Variants in CPE observed in about 807,000 individuals in gnomAD.
CPE encodes carbocypeptidase E.
CPE carries 17 observed loss-of-function variants against 53.5 expected under a neutral mutation model. That is an observed-to-expected ratio of 0.32 (90% CI 0.22 to 0.48). The LOEUF (loss-of-function observed/expected upper bound fraction) is 0.48, where lower values mean the gene tolerates loss of function less well. Ranked by LOEUF, CPE falls within the 20% of genes least tolerant of loss-of-function variation. The probability of loss-of-function intolerance (pLI) is 0.99; values close to 1 mark genes in which losing one functional copy is unlikely to be tolerated. For missense variants in CPE, 524 were observed against 614.7 expected, an observed-to-expected ratio of 0.85 and a Z score of 1.56; for synonymous variants, 226 against 228.8, an observed-to-expected ratio of 0.99 and a Z score of 0.11.
intron 2 of CPE, among the ~76,000 whole-genome samples, chr4:165,467,070 C>T (rs900623948): frequency 2.0e-5 from 3 of 152,102 alleles, no homozygotes; most frequent in African/African-American, 7.2e-5. Flanking sequence ...TATCTATAAT[C>T]CCAGTGCTTT....
At position 165,379,647 on chromosome 4, in the gene CPE, G is replaced by T; in HGVS notation, c.307+119G>T. On this transcript the variant is annotated intron_variant, in intron 1 of 8. Transcript: ENST00000402744. This position sits in a 1 kb window ranked among gnomAD's most constrained non-coding sequence, Gnocchi z 6.0. ...GGCCCAGGGGTGCCTCTTGGTAAAA[G>T]GTATCTAAGGTGGAAGGTGGGAAGT... 1.0e-6 allele frequency: 1 copy of T among 1,000,176 alleles called. No individual in the cohort carries two copies. Among genetic ancestry groups the T allele is most frequent in the Non-Finnish European group, 1.4e-6 (1 of 722,586 alleles). 62.0% of individuals were successfully genotyped at this position (1,000,176 alleles called of 1,614,324 possible).
chr4:165,419,645 T>C (rs1731174404), intron 1 of CPE, among the ~76,000 whole-genome samples: 1 of 152,222 alleles, frequency 6.6e-6, no homozygotes, highest in South Asian at 2.1e-4. Flanking sequence ...CTCAATTCCG[T>C]GTCTTTCAAT....
intron 1 of CPE, among the ~76,000 whole-genome samples, chr4:165,397,535 A>G (rs1168212116): frequency 6.6e-6 from 1 of 152,142 alleles, no homozygotes; most frequent in Non-Finnish European, 1.5e-5. Context: ...GTTCCTTCTT[A>G]CCATGTGACT....
At chr4:165,480,756 A>T (rs932526669) in intron 3 of CPE, among the ~76,000 whole-genome samples, 2 of 152,162 alleles carry the variant, frequency 1.3e-5, no homozygotes, top group Non-Finnish European at 2.9e-5. Flanking sequence ...CCATTAAAAT[A>T]TCATTTTAGA....
chr4:165,396,196 A>G (rs989518794), intron 1 of CPE, among the ~76,000 whole-genome samples: 2 of 152,168 alleles, frequency 1.3e-5, no homozygotes, highest in Non-Finnish European at 2.9e-5. Flanking sequence ...CATATTCCTG[A>G]ATTTGTTCCT....
In CPE at chr4:165,487,595, C is replaced by T. The variant is rs1732528930; in HGVS notation, c.1113+18C>T. ...TTGAGCAGGTAAACACAGTCCCCAG[C>T]ATAAAAATGCAAGGTTTACAAGCAT... On this transcript the variant is annotated intron_variant, in intron 6 of 8. Coordinates refer to ENST00000402744, the MANE Select transcript of CPE (RefSeq NM_001873.4). 6.2e-7 allele frequency: 1 copy of T among 1,613,274 alleles called. No individual in the cohort carries two copies. Among genetic ancestry groups the T allele is most frequent in the Non-Finnish European group, 8.5e-7 (1 of 1,179,790 alleles).
chr4:165,486,439 G>T (rs1447769536), intron 5 of CPE, among the ~76,000 whole-genome samples: 1 of 152,132 alleles, frequency 6.6e-6, no homozygotes, highest in Non-Finnish European at 1.5e-5. Flanking sequence ...TTAGCATATA[G>T]TGTGAAAGGA....
Position 165,379,412 on chromosome 4 carries a change from T to A in CPE, c.191T>A (p.Val64Glu). The A allele has an allele frequency of 3.7e-6, 6 of 1,610,538 alleles. No individual in the cohort carries two copies. The highest frequency in any genetic ancestry group is 3.4e-6 in the Non-Finnish European group (4 of 1,179,102). ...TACCCCGAGCTGCGCGAGGCGCTCG[T>A]GTCCGTGTGGCTGCAGTGCACCGCC... ...HRYPELREAL[V>E]SVWLQCTAIS... Residue 64 changes from valine to glutamate, a missense_variant, in exon 1 of 9, where the codon GTG becomes GAG. Val to Glu is a moderately radical substitution (Grantham distance 121). Transcript: ENST00000402744. The surrounding 1 kb of genome is among the most constrained non-coding windows in gnomAD (Gnocchi z 6.0).
chr4:165,388,961 C>G (rs924061377), intron 1 of CPE, among the ~76,000 whole-genome samples: 2 of 152,138 alleles, frequency 1.3e-5, no homozygotes, highest in African/African-American at 4.8e-5. Context: ...TAACCAGCAT[C>G]AGGGGAATTA....
chr4:165,418,488 C>G (rs896613712), intron 1 of CPE, among the ~76,000 whole-genome samples: 1 of 152,118 alleles, frequency 6.6e-6, no homozygotes, highest in African/African-American at 2.4e-5. Flanking sequence ...GCTAGCATTA[C>G]AGGGAAGGGT....
chr4:165,427,916 TATAA>T (rs1245764703), intron 1 of CPE, among the ~76,000 whole-genome samples: 2 of 152,286 alleles, frequency 1.3e-5, no homozygotes, highest in Admixed American at 6.5e-5. Flanking sequence ...TTCTGTAATG[TATAA>T]ATAATGTTGT....
intron 1 of CPE, among the ~76,000 whole-genome samples, chr4:165,426,902 G>T (rs1046552194): frequency 2.0e-5 from 3 of 152,190 alleles, no homozygotes; most frequent in Non-Finnish European, 2.9e-5. Flanking sequence ...GCTCTTCGAG[G>T]CAGAGAGCGG....
rs1489590789 is a variant in CPE, at chr4:165,498,029, T to G, written c.*419T>G. 6.6e-6 allele frequency: 1 copy of G among 152,436 alleles called. No homozygotes were observed. The highest frequency in any genetic ancestry group is 1.5e-5 in the Non-Finnish European group (1 of 68,198). 9.4% of individuals were successfully genotyped at this position (152,436 alleles called of 1,614,324 possible). On this transcript the variant is annotated 3_prime_UTR_variant, in exon 9 of 9. Transcript: ENST00000402744. ...GGTTAACAGATACAGCTCGGAGTTG[T>G]GAGCACTCTACTGCAAGACTTAAAT...
rs146177423 is a variant in CPE, at chr4:165,460,867, A to G, written c.308-3523A>G. On this transcript the variant is annotated intron_variant, in intron 1 of 8. Coordinates refer to ENST00000402744, the MANE Select transcript of CPE (RefSeq NM_001873.4). ...GTGACACACTGGTGAGCTAAAATAG[A>G]TCCCATCCCAGGACTAATAGACCTT... Among the ~76,000 whole-genome samples the G allele has an allele frequency of 1.4e-3, 212 of 152,294 alleles. 1 individual carries two copies. Among genetic ancestry groups the G allele is most frequent in the Non-Finnish European group, 1.9e-3 (129 of 68,024 alleles).
chr4:165,439,958 T>C (rs1442499286), intron 1 of CPE, among the ~76,000 whole-genome samples: 3 of 152,174 alleles, frequency 2.0e-5, no homozygotes, highest in African/African-American at 7.2e-5. Context: ...GAAGTTTATT[T>C]CTCTGTTTTC....
intron 1 of CPE, 102 bp from the exon 2 acceptor site, chr4:165,464,288 G>A (rs978124838): frequency 2.6e-5 from 25 of 953,826 alleles, no homozygotes; most frequent in Non-Finnish European, 3.4e-5. Context: ...CGCTGCTGGA[G>A]GAAAAAACCC....
At chr4:165,387,638 G>C (rs1263512841) in intron 1 of CPE, among the ~76,000 whole-genome samples, 1 of 150,082 alleles carries the variant, frequency 6.7e-6, no homozygotes, top group East Asian at 2.1e-4. Flanking sequence ...GTGAAACCCC[G>C]TCTCTACTAA....
chr4:165,470,034 C>A (rs998276470), intron 3 of CPE, among the ~76,000 whole-genome samples: 1 of 152,136 alleles, frequency 6.6e-6, no homozygotes, highest in African/African-American at 2.4e-5. Context: ...TTAGTGGTGG[C>A]AAATCCATAC....
intron 3 of CPE, among the ~76,000 whole-genome samples, chr4:165,475,304 G>C (rs1204022043): frequency 2.0e-5 from 3 of 152,178 alleles, no homozygotes; most frequent in Admixed American, 6.5e-5. Flanking sequence ...GGGACAAAAA[G>C]TATACAATAA....
Sources: allele counts gnomAD v4.1 joint callset (sites outside exome capture counted in the v4.1 genomes callset), GRCh38; gene constraint gnomAD v4.1.1; non-coding constraint Gnocchi (gnomAD v3.1); transcripts MANE v1.5; gene names NCBI Gene and HGNC (gene_info 2026-07-23, HGNC 2026-07-21).